Variants in SEMA3E observed in about 807,000 individuals in gnomAD.
SEMA3E encodes semaphorin 3E.
Under a neutral mutation model 93.6 loss-of-function variants are expected in SEMA3E, and 49 were observed. That is an observed-to-expected ratio of 0.52 (90% CI 0.42 to 0.66). The LOEUF (loss-of-function observed/expected upper bound fraction) is 0.66, where lower values mean the gene tolerates loss of function less well. Among genes scored for constraint, SEMA3E ranks in the 30% least tolerant of loss-of-function variants. The pLI is 0.00. For missense variants in SEMA3E, 906 were observed against 964.8 expected, an observed-to-expected ratio of 0.94 and a Z score of 0.81; for synonymous variants, 363 against 330.7, an observed-to-expected ratio of 1.10 and a Z score of -1.06.
At chr7:83,436,046 T>C (rs1788997870) in intron 4 of SEMA3E, among the ~76,000 whole-genome samples, 3 of 152,112 alleles carry the variant, frequency 2.0e-5, no homozygotes, top group Admixed American at 6.6e-5. Flanking sequence ...ATGATTTAAT[T>C]GTTTATGTGG....
chr7:83,601,194 C>T (rs983121311), intron 1 of SEMA3E, among the ~76,000 whole-genome samples: 86 of 152,288 alleles, frequency 5.6e-4, no homozygotes, highest in African/African-American at 2.0e-3. Flanking sequence ...CCTAACAACC[C>T]ACTTAAGGCT....
chr7:83,639,703 A>G (rs1793964164), intron 1 of SEMA3E, among the ~76,000 whole-genome samples: 1 of 150,180 alleles, frequency 6.7e-6, no homozygotes, highest in African/African-American at 2.5e-5. Flanking sequence ...GGAAGTGTTC[A>G]TTAGTCCCTT....
intron 1 of SEMA3E, among the ~76,000 whole-genome samples, chr7:83,624,856 A>G (rs941074835): frequency 7.1e-4 from 108 of 151,948 alleles, no homozygotes; most frequent in African/African-American, 2.1e-3. Flanking sequence ...TTATGGTTTT[A>G]GGTCTTACAT....
At chr7:83,580,507 T>C (rs1392441531) in intron 1 of SEMA3E, among the ~76,000 whole-genome samples, 1 of 152,022 alleles carries the variant, frequency 6.6e-6, no homozygotes, top group Non-Finnish European at 1.5e-5. Context: ...TGCCTATTCC[T>C]AAATTCAGAA....
At chr7:83,553,524 G>A (rs1791819328) in intron 1 of SEMA3E, among the ~76,000 whole-genome samples, 1 of 152,074 alleles carries the variant, frequency 6.6e-6, no homozygotes, top group East Asian at 1.9e-4. Context: ...CTAGTACCAT[G>A]CTTTCTTCAA....
rs1328825477 is a variant in SEMA3E, at chr7:83,477,010, G to A, written c.277-7708C>T. Among the ~76,000 whole-genome samples, 5 of 152,098 alleles carry A rather than the reference G, an allele frequency of 3.3e-5. No homozygotes were observed. In the South Asian group the frequency reaches 6.2e-4, roughly 19 times the overall value. ...AAATAAAGTATAAATTAAATTACAA[G>A]GTAATTTTTTTCTGGACTCCCTACT... On this transcript the variant is annotated intron_variant, in intron 2 of 16. Transcript: ENST00000643230.
chr7:83,550,850 C>A (rs890983083), intron 1 of SEMA3E, among the ~76,000 whole-genome samples: 2 of 152,012 alleles, frequency 1.3e-5, no homozygotes, highest in Non-Finnish European at 2.9e-5. Context: ...AAAATGCAAA[C>A]ATCCCACTAG....
chr7:83,505,863 A>T (rs895537350), intron 1 of SEMA3E, among the ~76,000 whole-genome samples: 2 of 151,478 alleles, frequency 1.3e-5, no homozygotes, highest in Non-Finnish European at 2.9e-5. Context: ...AAAATACAAA[A>T]AATTAGCCGG....
At chr7:83,484,711 T>C (rs905019361) in intron 2 of SEMA3E, among the ~76,000 whole-genome samples, 1 of 152,238 alleles carries the variant, frequency 6.6e-6, no homozygotes, top group Non-Finnish European at 1.5e-5. Flanking sequence ...CTTTATAACA[T>C]GTATCATATC....
At chr7:83,371,368 T>C (rs532382259) in intron 16 of SEMA3E, 3 of 152,212 alleles carry the variant, frequency 2.0e-5, no homozygotes, top group African/African-American at 2.4e-5. Flanking sequence ...TCACATGGTA[T>C]AGCTACAGGC....
At position 83,392,736 on chromosome 7, in the gene SEMA3E, AAG is replaced by A; in HGVS notation, c.1501-17_1501-16del. 6.2e-7 allele frequency: 1 copy of A among 1,613,428 alleles called. No individual in the cohort carries two copies. The highest frequency in any genetic ancestry group is 8.5e-7 in the Non-Finnish European group (1 of 1,179,566). ...TACAGCTGTTGCTACAGAAATCAGAAAGAGGTCACTAGCAGAAATGGACAAAA... is the reference window on the plus strand; with the variant it reads ...TACAGCTGTTGCTACAGAAATCAGAAAGGTCACTAGCAGAAATGGACAAAA... On this transcript the variant is annotated splice_polypyrimidine_tract_variant and intron_variant, in intron 13 of 16. Coordinates refer to ENST00000643230, the MANE Select transcript of SEMA3E (RefSeq NM_012431.3).
At chr7:83,386,908 C>T in intron 15 of SEMA3E, 75 bp downstream of exon 15, 2 of 1,302,590 alleles carry the variant, frequency 1.5e-6, no homozygotes, top group East Asian at 2.4e-5. Context: ...AAAAAGGACT[C>T]TTTTTAAGAA....
intron 2 of SEMA3E, among the ~76,000 whole-genome samples, chr7:83,489,430 C>A (rs76106301): frequency 0.03 from 3,256 of 108,600 alleles, 115 homozygotes; most frequent in African/African-American, 0.1. Context: ...AAAATATGGA[C>A]ATGGCTCATA....
intron 1 of SEMA3E, among the ~76,000 whole-genome samples, chr7:83,518,674 C>G (rs1007680167): frequency 9.9e-5 from 15 of 152,064 alleles, no homozygotes; most frequent in Admixed American, 2.0e-4. Context: ...GGTAAAGGTG[C>G]GACAGACCTC....
intron 4 of SEMA3E, among the ~76,000 whole-genome samples, chr7:83,456,622 A>ATTTTT (rs10667838): frequency 6.9e-6 from 1 of 145,552 alleles, no homozygotes; most frequent in Non-Finnish European, 1.5e-5. Flanking sequence ...TTATTTATTT[A>ATTTTT]TTATTTTTGA....
intron 1 of SEMA3E, among the ~76,000 whole-genome samples, chr7:83,506,027 AAAAAAATATAT>A (rs1019059890): frequency 1.5e-4 from 20 of 132,540 alleles, no homozygotes; most frequent in African/African-American, 5.0e-4. Context: ...AAAAAAAAAA[AAAAAAATATAT>A]ATATATATAT....
chr7:83,483,132 T>G (rs1375525517), intron 2 of SEMA3E, among the ~76,000 whole-genome samples: 2 of 151,118 alleles, frequency 1.3e-5, no homozygotes, highest in Non-Finnish European at 2.9e-5. Flanking sequence ...AAAAAAAAAG[T>G]CATTATTGCA....
At chr7:83,491,122 T>C (rs908364040) in intron 1 of SEMA3E, among the ~76,000 whole-genome samples, 8 of 152,058 alleles carry the variant, frequency 5.3e-5, no homozygotes. Flanking sequence ...GATCAATGCC[T>C]AATGCATCTA....
intron 1 of SEMA3E, among the ~76,000 whole-genome samples, chr7:83,629,758 T>C (rs1793748535): frequency 6.6e-6 from 1 of 152,158 alleles, no homozygotes; most frequent in Non-Finnish European, 1.5e-5. Flanking sequence ...GCAAGACTAC[T>C]TGGCTCCCTG....
Sources: allele counts gnomAD v4.1 joint callset (sites outside exome capture counted in the v4.1 genomes callset), GRCh38; gene constraint gnomAD v4.1.1; transcripts MANE v1.5; gene names NCBI Gene and HGNC (gene_info 2026-07-23, HGNC 2026-07-21).